ZNF138: variants seen among roughly 807,000 people sequenced by gnomAD.
ZNF138 encodes zinc finger protein 138 (clone pHZ-32).
ZNF138 carries 33 observed loss-of-function variants against 33.0 expected under a neutral mutation model. The observed-to-expected ratio is 1.00, with a 90% CI of 0.76 to 1.34. The LOEUF is 1.34. Among genes scored for constraint, ZNF138 ranks in the 40% most tolerant of loss-of-function variants. The pLI, the probability that ZNF138 is intolerant of heterozygous loss-of-function variation, is 0.00. For synonymous variants in ZNF138, 139 were observed against 120.4 expected (o/e 1.15, Z -1.01); for missense variants, 360 against 370.8 (o/e 0.97, Z 0.24).
rs950027297 is a variant in ZNF138, at chr7:64,831,862, C to A, written c.620C>A (p.Ser207Tyr). ...CEECGKTFNW[S>Y]TNLSKPKKIH... The stretch of plus-strand genomic sequence containing the variant: ...GAGTGTGGAAAAACCTTTAACTGGT[C>A]CACAAACCTTTCTAAACCTAAGAAA... Residue 207 changes from serine to tyrosine, a missense_variant, in exon 4 of 4, where the codon TCC becomes TAC. By Grantham distance (144) the Ser-to-Tyr change is moderately radical. Coordinates refer to ENST00000307355, the MANE Select transcript of ZNF138 (RefSeq NM_001271639.2). 1 of 1,613,648 alleles carries A rather than the reference C, an allele frequency of 6.2e-7. No individual in the cohort carries two copies. The highest frequency in any genetic ancestry group is 1.3e-5 in the African/African-American group (1 of 74,864).
chr7:64,852,319 T>C, the ZNF138 span: 3 of 976,122 alleles, frequency 3.1e-6, no homozygotes, highest in Non-Finnish European at 4.8e-6. Context: ...TTGTTGCTTA[T>C]AGTCTTTAAT....
rs554775220 is a variant in ZNF138 at position 64,814,081 on chromosome 7, C to T, written c.4-837C>T. 3.6e-4 allele frequency: 448 copies of T among 1,229,072 alleles called. 6 individuals carry two copies. The South Asian group carries it at 6.1e-3, about 17-fold the overall frequency. The allele number at this position is 1,229,072 out of a possible 1,614,324, so 76.1% of individuals were successfully genotyped here. ...CAGGCCAGAAAAACTGGGAAAATCA[C>T]AGGCTCTTCCACTTACTGGATATTT... On this transcript the variant is annotated intron_variant, in intron 1 of 3. Coordinates refer to ENST00000307355, the MANE Select transcript of ZNF138 (RefSeq NM_001271639.2).
intron 3 of ZNF138, among the ~76,000 whole-genome samples, chr7:64,829,896 T>G (rs979525923): frequency 2.0e-5 from 3 of 152,104 alleles, no homozygotes; most frequent in African/African-American, 7.2e-5. Flanking sequence ...ATGTGTTGCT[T>G]TCTTGCATTG....
the ZNF138 span, among the ~76,000 whole-genome samples, chr7:64,851,367 T>C: frequency 6.6e-6 from 1 of 152,098 alleles, no homozygotes; most frequent in Non-Finnish European, 1.5e-5. Context: ...GAATAACAAG[T>C]TTAAGTTTGG....
intron 1 of ZNF138, among the ~76,000 whole-genome samples, chr7:64,799,747 G>A (rs930913541): frequency 2.6e-5 from 4 of 152,156 alleles, no homozygotes; most frequent in Non-Finnish European, 5.9e-5. Context: ...GGGTTCAAAC[G>A]ATTCTCCTGC....
Position 64,832,821 on chromosome 7 carries a change from A to G in ZNF138, c.*619A>G, listed in dbSNP as rs886118106. ...TACTAAACACAAGAAGATTCATACT[A>G]GAGAGAAACCCTACAAATGTGAAGA... On this transcript the variant is annotated 3_prime_UTR_variant, in exon 4 of 4. Coordinates refer to ENST00000307355, the MANE Select transcript of ZNF138 (RefSeq NM_001271639.2). 1.1e-5 allele frequency: 5 copies of G among 450,220 alleles called. No individual in the cohort carries two copies. Among genetic ancestry groups the G allele is most frequent in the Non-Finnish European group, 2.2e-5 (5 of 223,150 alleles). 27.9% of individuals were successfully genotyped at this position (450,220 alleles called of 1,614,324 possible). A position where few individuals can be genotyped will look rare whatever the true frequency, so the allele number is the denominator to read the frequency against.
At chr7:64,814,788 A>T in intron 1 of ZNF138, 130 bp from the exon 2 acceptor site, 1 of 1,188,766 alleles carries the variant, frequency 8.4e-7, no homozygotes. Flanking sequence ...TTTTATGAAT[A>T]ATTTCAGTCA....
At chr7:64,851,945 C>T in the ZNF138 span, among the ~76,000 whole-genome samples, 3 of 152,056 alleles carry the variant, frequency 2.0e-5, no homozygotes, top group African/African-American at 7.2e-5. Context: ...ACTGGGATGC[C>T]GTCATGTGCC....
the ZNF138 span, among the ~76,000 whole-genome samples, chr7:64,859,392 CT>C: frequency 1.3e-5 from 2 of 152,064 alleles, no homozygotes; most frequent in Non-Finnish European, 2.9e-5. Flanking sequence ...CTTTTGTAAC[CT>C]GTTCATGTCT....
intron 1 of ZNF138, among the ~76,000 whole-genome samples, chr7:64,805,267 C>T (rs1209503118): frequency 2.6e-5 from 4 of 152,028 alleles, no homozygotes; most frequent in African/African-American, 7.3e-5. Context: ...GGCGTGGTGG[C>T]AGGTGCCTGT....
At chr7:64,803,154 T>G (rs1358551600) in intron 1 of ZNF138, among the ~76,000 whole-genome samples, 1 of 152,182 alleles carries the variant, frequency 6.6e-6, no homozygotes, top group Non-Finnish European at 1.5e-5. Flanking sequence ...GTTTGAAAGA[T>G]ATGTAAATCA....
At chr7:64,816,287 T>C (rs961650040) in intron 3 of ZNF138, among the ~76,000 whole-genome samples, 19 of 152,098 alleles carry the variant, frequency 1.2e-4, no homozygotes, top group Non-Finnish European at 2.4e-4. Flanking sequence ...GTAGATCACT[T>C]TGGATAACAT....
chr7:64,830,912 GCTACAA>G, intron 3 of ZNF138: 1 of 1,542,684 alleles, frequency 6.5e-7, no homozygotes. Context: ...GTAGTCACTT[GCTACAA>G]CTGTTCCCTG....
intron 3 of ZNF138, among the ~76,000 whole-genome samples, chr7:64,827,308 CA>C (rs1789713603): frequency 3.3e-5 from 5 of 151,184 alleles, no homozygotes; most frequent in Non-Finnish European, 7.4e-5. Context: ...AGTGCAGTGG[CA>C]CAATCTCGGT....
At chr7:64,854,026 T>C in the ZNF138 span, among the ~76,000 whole-genome samples, 1 of 70,620 alleles carries the variant, frequency 1.4e-5, no homozygotes, top group African/African-American at 4.4e-5. Flanking sequence ...AACAAAAACC[T>C]CTTTAACCAG....
At chr7:64,820,910 A>T (rs1368352764) in intron 3 of ZNF138, among the ~76,000 whole-genome samples, 3 of 151,586 alleles carry the variant, frequency 2.0e-5, no homozygotes, top group African/African-American at 7.3e-5. Flanking sequence ...AAAATTTTAA[A>T]ATAATGACTG....
At chr7:64,810,313 G>A (rs912902074) in intron 1 of ZNF138, among the ~76,000 whole-genome samples, 22 of 146,602 alleles carry the variant, frequency 1.5e-4, no homozygotes, top group African/African-American at 4.8e-4. Context: ...CAGGCGTGGT[G>A]GCGCGAGCCT....
the ZNF138 span, among the ~76,000 whole-genome samples, chr7:64,843,507 A>C: frequency 3.3e-5 from 5 of 152,130 alleles, no homozygotes; most frequent in African/African-American, 1.2e-4. Context: ...AAGTTGATAT[A>C]GTTTTTTTTG....
rs1449301114 is a variant in ZNF138, at chr7:64,806,360, CT to C, written c.4-8555del. ...AACCATTTTACCTCTTTCAATGACT[CT>C]TTAGACCAGAAACTGATTCAGAGAC... On this transcript the variant is annotated intron_variant, in intron 1 of 3. Transcript: ENST00000307355. Among the ~76,000 whole-genome samples, 8 of 152,304 alleles carry C rather than the reference CT, an allele frequency of 5.3e-5. No individual in the cohort carries two copies. The East Asian group carries it at 1.5e-3, about 29-fold the overall frequency.
Sources: allele counts gnomAD v4.1 joint callset (sites outside exome capture counted in the v4.1 genomes callset), GRCh38; gene constraint gnomAD v4.1.1; transcripts MANE v1.5; gene names NCBI Gene and HGNC (gene_info 2026-07-23, HGNC 2026-07-21).